COMMD7: variants seen among roughly 807,000 people sequenced by gnomAD.
COMMD7 encodes the protein COMM domain containing 7, also known as COMM domain-containing protein 7.
A neutral mutation model predicts 34.8 loss-of-function variants in COMMD7; 28 were observed. The ratio of observed to expected loss-of-function variants is 0.80; its 90% CI spans 0.60 to 1.10. The LOEUF (loss-of-function observed/expected upper bound fraction) is 1.10, where lower values mean the gene tolerates loss of function less well. Ranked by LOEUF, COMMD7 falls within the 50% of genes least tolerant of loss-of-function variation. The pLI is 0.00. For synonymous variants in COMMD7, 80 were observed against 86.4 expected (o/e 0.93, Z 0.41); for missense variants, 211 against 241.6 (o/e 0.87, Z 0.84).
intron 3 of COMMD7, among the ~76,000 whole-genome samples, chr20:32,722,690 C>CTCCA (rs1985243932): frequency 6.6e-6 from 1 of 150,448 alleles, no homozygotes; most frequent in Non-Finnish European, 1.5e-5. Context: ...TGCCACTGCA[C>CTCCA]TCCAGCCTGG....
intron 3 of COMMD7, among the ~76,000 whole-genome samples, chr20:32,707,627 T>A (rs535648449): frequency 6.7e-6 from 1 of 150,208 alleles, no homozygotes; most frequent in East Asian, 2.0e-4. Context: ...TGGCACATAT[T>A]TTTTTTTTAA....
At chr20:32,732,444 G>A (rs905358578) in intron 1 of COMMD7, among the ~76,000 whole-genome samples, 3 of 152,084 alleles carry the variant, frequency 2.0e-5, no homozygotes, top group African/African-American at 7.2e-5. Context: ...TCCATTCCAT[G>A]AAGTATATCC....
At chr20:32,711,705 TCTTAA>T (rs1477757412) in intron 3 of COMMD7, among the ~76,000 whole-genome samples, 1 of 152,064 alleles carries the variant, frequency 6.6e-6, no homozygotes, top group African/African-American at 2.4e-5. Flanking sequence ...GGCCTCAAGC[TCTTAA>T]CTTCTTTTTC....
intron 1 of COMMD7, among the ~76,000 whole-genome samples, chr20:32,741,296 C>T (rs1266665168): frequency 6.6e-6 from 1 of 151,922 alleles, no homozygotes; most frequent in African/African-American, 2.4e-5. Context: ...CCATGCACTA[C>T]AGCCTTGAAA....
intron 1 of COMMD7, among the ~76,000 whole-genome samples, chr20:32,735,404 G>A (rs1438407487): frequency 6.6e-6 from 1 of 151,346 alleles, no homozygotes; most frequent in Non-Finnish European, 1.5e-5. Flanking sequence ...TGCAACCTCC[G>A]CCTCCTGGGT....
intron 1 of COMMD7, among the ~76,000 whole-genome samples, chr20:32,729,735 A>G (rs1403679326): frequency 6.6e-6 from 1 of 151,958 alleles, no homozygotes; most frequent in Non-Finnish European, 1.5e-5. Flanking sequence ...GGCTGGGCAT[A>G]GTGGCTCACA....
chr20:32,703,897 A>ACTCC, intron 8 of COMMD7, 126 bp downstream of exon 8: 1 of 1,561,998 alleles, frequency 6.4e-7, no homozygotes. Context: ...AAGGCAGTGG[A>ACTCC]ACAGCTACTC....
chr20:32,730,896 T>G (rs932647007), intron 1 of COMMD7, among the ~76,000 whole-genome samples: 7 of 152,126 alleles, frequency 4.6e-5, no homozygotes, highest in African/African-American at 1.7e-4. Context: ...AGAAAAAGAT[T>G]ATAGGCAGAT....
chr20:32,732,115 C>T (rs1361848305), intron 1 of COMMD7, among the ~76,000 whole-genome samples: 1 of 152,182 alleles, frequency 6.6e-6, no homozygotes, highest in Non-Finnish European at 1.5e-5. Flanking sequence ...CAGAGTCTGG[C>T]TCTGTCGCCC....
intron 3 of COMMD7, among the ~76,000 whole-genome samples, chr20:32,712,224 C>A (rs1419516469): frequency 7.6e-6 from 1 of 131,546 alleles, no homozygotes; most frequent in Non-Finnish European, 1.5e-5. Context: ...GAGCCGAGAT[C>A]GTGCCATTGC....
intron 3 of COMMD7, among the ~76,000 whole-genome samples, chr20:32,726,527 C>A (rs1372732405): frequency 6.6e-6 from 1 of 151,964 alleles, no homozygotes; most frequent in Non-Finnish European, 1.5e-5. Context: ...CATGGTGAAA[C>A]CCTGTCTCTA....
At chr20:32,723,045 A>AATAAT (rs1192343635) in intron 3 of COMMD7, among the ~76,000 whole-genome samples, 20 of 40,390 alleles carry the variant, frequency 5.0e-4, no homozygotes, top group African/African-American at 1.7e-3. Flanking sequence ...ATAAATAAAT[A>AATAAT]AATAATAATA....
intron 3 of COMMD7, among the ~76,000 whole-genome samples, chr20:32,710,734 A>T (rs113019689): frequency 1.3e-5 from 1 of 77,302 alleles, no homozygotes; most frequent in Non-Finnish European, 3.5e-5. Context: ...ATCTCAAAAA[A>T]AAAAAAAAAA....
chr20:32,733,368 G>A (rs1026178170), intron 1 of COMMD7, among the ~76,000 whole-genome samples: 1 of 151,852 alleles, frequency 6.6e-6, no homozygotes, highest in African/African-American at 2.4e-5. Context: ...ATAACCAGAG[G>A]TTAGGAGTTT....
intron 3 of COMMD7, among the ~76,000 whole-genome samples, chr20:32,707,011 A>C (rs1984124546): frequency 6.6e-6 from 1 of 151,044 alleles, no homozygotes; most frequent in South Asian, 2.1e-4. Context: ...CGGTAGCTCA[A>C]GCCTGTAATC....
intron 1 of COMMD7, among the ~76,000 whole-genome samples, chr20:32,734,686 G>A (rs971430908): frequency 2.0e-5 from 3 of 152,180 alleles, no homozygotes; most frequent in South Asian, 2.1e-4. Flanking sequence ...CCAGCACTTC[G>A]GGAGGCCGAG....
chr20:32,714,428 T>TGCA (rs1984652360), intron 3 of COMMD7, among the ~76,000 whole-genome samples: 1 of 151,640 alleles, frequency 6.6e-6, no homozygotes, highest in Non-Finnish European at 1.5e-5. Context: ...GGCACGGTGG[T>TGCA]TGTAATCCCA....
intron 3 of COMMD7, among the ~76,000 whole-genome samples, chr20:32,714,210 A>G (rs1236893364): frequency 6.6e-6 from 1 of 152,164 alleles, no homozygotes; most frequent in African/African-American, 2.4e-5. Context: ...TGGGGAATTT[A>G]GTTCAATGTT....
intron 1 of COMMD7, among the ~76,000 whole-genome samples, chr20:32,734,106 G>A (rs1182528119): frequency 5.3e-5 from 8 of 151,192 alleles, no homozygotes; most frequent in Non-Finnish European, 1.0e-4. Flanking sequence ...GTGTGAACCT[G>A]GAAGGCAGAG....
Sources: gnomAD v4.1 joint callset for allele counts (sites outside exome capture counted in the v4.1 genomes callset) on GRCh38, gnomAD v4.1.1 for gene constraint, MANE v1.5 for transcripts, NCBI Gene and HGNC (gene_info 2026-07-23, HGNC 2026-07-21) for gene names.